ZNF875: variants seen among roughly 807,000 people sequenced by gnomAD.
ZNF875 encodes the protein HKR1, GLI-Kruppel zinc finger family member.
A neutral mutation model predicts 11.2 loss-of-function variants in ZNF875; 14 were observed. The observed-to-expected ratio is 1.26, with a 90% CI of 0.83 to 1.96. ZNF875 has a LOEUF of 1.96. Ranked by LOEUF, ZNF875 falls within the 30% of genes most tolerant of loss-of-function variation. ZNF875 has a pLI of 0.00. For synonymous variants in ZNF875, 301 were observed against 281.1 expected (o/e 1.07, Z -0.71); for missense variants, 752 against 760.4 (o/e 0.99, Z 0.13).
intron 1 of ZNF875, among the ~76,000 whole-genome samples, chr19:37,319,789 C>T (rs995845883): frequency 2.0e-5 from 3 of 152,068 alleles, no homozygotes; most frequent in Non-Finnish European, 2.9e-5. Context: ...CCATTTTTTT[C>T]CTCTCTCTCT....
At position 37,362,740 on chromosome 19, in the gene ZNF875, C is replaced by T; in HGVS notation, c.888C>T (p.Asn296=). Residue 296 remains asparagine, a synonymous_variant, in exon 5 of 5, where the codon AAC becomes AAT. Coordinates refer to ENST00000392153, the MANE Select transcript of ZNF875 (RefSeq NM_001353803.2). ...ECGRGFTWKS[N]LITHQRTHSG... is the part of the protein sequence containing the mutation. The stretch of plus-strand genomic sequence containing the variant: ...GGCGAGGCTTTACGTGGAAGTCAAA[C>T]CTGATCACACATCAGAGGACACACT... The T allele has an allele frequency of 1.2e-6, 2 of 1,613,602 alleles. No individual in the cohort carries two copies. The highest frequency in any genetic ancestry group is 1.7e-6 in the Non-Finnish European group (2 of 1,179,702).
chr19:37,317,323 A>G (rs1305767115), upstream of ZNF875, among the ~76,000 whole-genome samples: 1 of 151,254 alleles, frequency 6.6e-6, no homozygotes, highest in Non-Finnish European at 1.5e-5. Context: ...AGTAGCTGGG[A>G]CTACAGGCGC....
At chr19:37,337,232 C>G (rs1338432069) in intron 2 of ZNF875, 1 of 152,168 alleles carries the variant, frequency 6.6e-6, no homozygotes, top group Non-Finnish European at 1.5e-5. Context: ...AACATTTCAC[C>G]CCCCTCTCAT....
upstream of ZNF875, among the ~76,000 whole-genome samples, chr19:37,332,250 T>C (rs1274855632): frequency 6.7e-6 from 1 of 149,668 alleles, no homozygotes; most frequent in African/African-American, 2.5e-5. Context: ...TGCTGAACGC[T>C]GGTTCCCCGG....
At chr19:37,313,744 TTGTGTG>T (rs61062343), upstream of ZNF875, among the ~76,000 whole-genome samples, 21 of 150,160 alleles carry the variant, frequency 1.4e-4, no homozygotes, top group East Asian at 7.9e-4. Flanking sequence ...TACACATCCA[TTGTGTG>T]TGTGTGTGTG....
At chr19:37,339,553 T>TG (rs1394996302) in intron 2 of ZNF875, among the ~76,000 whole-genome samples, 4 of 147,444 alleles carry the variant, frequency 2.7e-5, no homozygotes, top group African/African-American at 7.6e-5. Context: ...AGTTTTTTTT[T>TG]TTTTTTTTTT....
Position 37,347,237 on chromosome 19 carries a change from G to A in ZNF875, c.81G>A (p.Glu27=), listed in dbSNP as rs2036973995. The change falls in exon 3 of 5, where the codon GAG becomes GAA. Residue 27 remains glutamate, a synonymous_variant. Coordinates refer to ENST00000392153, the MANE Select transcript of ZNF875 (RefSeq NM_001353803.2). The part of the protein sequence containing the change: ...RDVAVYFTQE[E]WRLLSPAQRT... ...TGGCTGTGTACTTCACCCAGGAGGA[G>A]TGGAGGTTGTTGAGCCCTGCTCAGA... The A allele has an allele frequency of 1.9e-6, 3 of 1,614,062 alleles. No homozygotes were observed. Among genetic ancestry groups the A allele is most frequent in the African/African-American group, 1.3e-5 (1 of 74,932 alleles).
chr19:37,334,503 G>A, upstream of ZNF875: 1 of 339,952 alleles, frequency 2.9e-6, no homozygotes, highest in Non-Finnish European at 5.9e-6. Context: ...TTGGTTGTGT[G>A]CGCTGTGCAG....
At chr19:37,316,112 T>C (rs1158549061), upstream of ZNF875, among the ~76,000 whole-genome samples, 1 of 152,208 alleles carries the variant, frequency 6.6e-6, no homozygotes, top group African/African-American at 2.4e-5. Flanking sequence ...AAACCTGGCC[T>C]GCCACACTGT....
chr19:37,362,258 C>T lies in ZNF875; in HGVS notation c.406C>T (p.Pro136Ser), dbSNP rs758038998. The T allele has an allele frequency of 6.2e-7, 1 of 1,614,134 alleles. No homozygotes were observed. The highest frequency in any genetic ancestry group is 1.3e-5 in the African/African-American group (1 of 75,040). The change falls in exon 5 of 5, where the codon CCA becomes TCA. Residue 136 changes from proline (P) to serine (S), a missense_variant. By Grantham distance (74) the Pro-to-Ser change is moderately conservative. Transcript: ENST00000392153. ...TCCTCTCCACCTGGGAAAACACTAT[C>T]CAGAAGATCAGAAACAACAGCAGGA... ...GNPLHLGKHYPEDQKQQQDPF... is the reference protein window; with the variant it reads ...GNPLHLGKHYSEDQKQQQDPF...
At position 37,322,000 on chromosome 19, in the gene ZNF875, C is replaced by G. The variant is rs374147193; in HGVS notation, c.-746-185C>G. Among the ~76,000 whole-genome samples, 15 of 152,274 alleles carry G rather than the reference C, an allele frequency of 9.9e-5. No homozygotes were observed. The East Asian group carries it at 2.1e-3, about 22-fold the overall frequency. On this transcript the variant is annotated intron_variant, in intron 1 of 5. Transcript: ENST00000544914. ...TTATTCTGAGGAGGGGTCAAAGACTCTCCCGTATGTTAGAACGGTCCTGCA... is the reference window on the plus strand; with the variant it reads ...TTATTCTGAGGAGGGGTCAAAGACTGTCCCGTATGTTAGAACGGTCCTGCA...
upstream of ZNF875, among the ~76,000 whole-genome samples, chr19:37,314,537 A>G (rs1292278138): frequency 6.6e-6 from 1 of 152,150 alleles, no homozygotes; most frequent in African/African-American, 2.4e-5. Flanking sequence ...CGGAAACTCA[A>G]TCTTGGACTG....
chr19:37,342,469 A>G (rs984847309), intron 2 of ZNF875, among the ~76,000 whole-genome samples: 1 of 150,318 alleles, frequency 6.7e-6, no homozygotes, highest in Admixed American at 6.7e-5. Flanking sequence ...CTGGAGTGCA[A>G]TGGAGCGATA....
chr19:37,340,368 C>T (rs898902134), intron 2 of ZNF875, among the ~76,000 whole-genome samples: 2 of 152,170 alleles, frequency 1.3e-5, no homozygotes, highest in East Asian at 1.9e-4. Flanking sequence ...ACTTAGGTCT[C>T]TTTCTTCTCT....
chr19:37,319,344 C>CATATATATATATATATATATATATAG (rs146774743), intron 1 of ZNF875, among the ~76,000 whole-genome samples: 1 of 112,350 alleles, frequency 8.9e-6, no homozygotes, highest in African/African-American at 4.2e-5. Context: ...CTGCAGCCGG[C>CATATATATATATATATATATATATAG]ATATATATAT....
At chr19:37,349,621 C>T (rs183726786) in intron 4 of ZNF875, among the ~76,000 whole-genome samples, 4 of 152,154 alleles carry the variant, frequency 2.6e-5, no homozygotes, top group African/African-American at 4.8e-5. Flanking sequence ...AACTCTTTAT[C>T]AGATGTTCCA....
rs1287489283 is a variant in ZNF875, at chr19:37,347,269, T to G, written c.113T>G (p.Leu38Arg). Residue 38 changes from leucine to arginine, a missense_variant, in exon 3 of 5, where the codon CTG becomes CGG. Coordinates refer to ENST00000392153, the MANE Select transcript of ZNF875 (RefSeq NM_001353803.2). The part of the protein sequence containing the change: ...WRLLSPAQRT[L>R]HREVMLETYN... ...TTGTTGAGCCCTGCTCAGAGGACCCTGCACAGGGAGGTGATGCTGGAGACT... is the reference window on the plus strand; with the variant it reads ...TTGTTGAGCCCTGCTCAGAGGACCCGGCACAGGGAGGTGATGCTGGAGACT... 6.2e-7 allele frequency: 1 copy of G among 1,614,160 alleles called. No individual in the cohort carries two copies. The highest frequency in any genetic ancestry group is 2.2e-5 in the East Asian group (1 of 44,884).
At chr19:37,344,474 G>A (rs1397671491) in intron 2 of ZNF875, 1 of 517,572 alleles carries the variant, frequency 1.9e-6, no homozygotes, top group Non-Finnish European at 3.5e-6. Context: ...CTGTGCCCAT[G>A]TTTCTGAGCA....
upstream of ZNF875, chr19:37,316,910 G>C (rs1008835017): frequency 2.2e-4 from 32 of 143,684 alleles, no homozygotes; most frequent in African/African-American, 7.8e-4. Flanking sequence ...CAAGTAATCC[G>C]CCCGCCTCGG....
Sources: gnomAD v4.1 joint callset for allele counts (sites outside exome capture counted in the v4.1 genomes callset) on GRCh38, gnomAD v4.1.1 for gene constraint, MANE v1.5 for transcripts, NCBI Gene and HGNC (gene_info 2026-07-23, HGNC 2026-07-21) for gene names.